Variants in MACROD2 observed in about 807,000 individuals in gnomAD.
MACROD2 encodes the protein mono-ADP ribosylhydrolase 2, also known as ADP-ribose glycohydrolase MACROD2.
Under a neutral mutation model 70.4 loss-of-function variants are expected in MACROD2, and 36 were observed. The observed-to-expected ratio is 0.51, with a 90% confidence interval of 0.39 to 0.68. MACROD2 has a LOEUF of 0.68. MACROD2 is among the 30% of genes least tolerant of loss of function. The pLI is 0.00. For missense variants in MACROD2, 496 were observed against 538.4 expected (o/e 0.92, Z 0.78); for synonymous variants, 172 against 178.8 (o/e 0.96, Z 0.30).
At chr20:15,855,238 TTC>T (rs368770786) in intron 8 of MACROD2, among the ~76,000 whole-genome samples, 159 of 152,326 alleles carry the variant, frequency 1.0e-3, no homozygotes, top group African/African-American at 3.6e-3. Flanking sequence ...TGTCACCCTC[TTC>T]AGGGCCAGTG....
At chr20:15,403,651 A>T (rs1258405231) in intron 6 of MACROD2, among the ~76,000 whole-genome samples, 2 of 152,204 alleles carry the variant, frequency 1.3e-5, no homozygotes, top group East Asian at 3.9e-4. Flanking sequence ...ATGCGGTCTA[A>T]GTGGAAGTTT....
In MACROD2 at chr20:14,276,160, A is replaced by G. The variant is rs529447464; in HGVS notation, c.271+190432A>G. 1.6e-4 allele frequency among the ~76,000 whole-genome samples: 24 copies of G among 152,200 alleles called. No individual in the cohort carries two copies. In the East Asian group the frequency reaches 3.7e-3, roughly 23 times the overall value. The stretch of plus-strand genomic sequence containing the variant: ...CCAAAGGACTGTAAATCATGCTGCT[A>G]TAAAGACACATGCACGCGTATGTTT... On this transcript the variant is annotated intron_variant, in intron 3 of 17. Transcript: ENST00000684519.
intron 8 of MACROD2, among the ~76,000 whole-genome samples, chr20:15,816,990 C>T (rs147032250): frequency 2.8e-3 from 424 of 152,170 alleles, no homozygotes; most frequent in African/African-American, 9.3e-3. Context: ...CAAAAAAAAA[C>T]GATGCTCGTT....
chr20:15,768,586 A>G (rs987354649), intron 8 of MACROD2, among the ~76,000 whole-genome samples: 3 of 152,148 alleles, frequency 2.0e-5, no homozygotes, highest in South Asian at 2.1e-4. Flanking sequence ...AACACTGTAC[A>G]CTTAGGCTAC....
intron 8 of MACROD2, among the ~76,000 whole-genome samples, chr20:15,699,527 T>C (rs1310550537): frequency 1.3e-5 from 2 of 152,142 alleles, no homozygotes; most frequent in African/African-American, 4.8e-5. Flanking sequence ...GGTGGTTTAA[T>C]GCTCTGTTTT....
intron 5 of MACROD2, among the ~76,000 whole-genome samples, chr20:14,740,534 T>C (rs767040608): frequency 2.0e-5 from 3 of 152,156 alleles, no homozygotes; most frequent in Admixed American, 6.6e-5. Context: ...AATTAAACTA[T>C]CTTGCATATG....
At chr20:16,002,145 A>G (rs1238514177) in intron 15 of MACROD2, among the ~76,000 whole-genome samples, 1 of 152,180 alleles carries the variant, frequency 6.6e-6, no homozygotes, top group African/African-American at 2.4e-5. Context: ...TCTCAAAGTT[A>G]TCTCTGACAA....
At chr20:15,827,846 G>C (rs2064014184) in intron 8 of MACROD2, among the ~76,000 whole-genome samples, 1 of 152,172 alleles carries the variant, frequency 6.6e-6, no homozygotes, top group Non-Finnish European at 1.5e-5. Context: ...CACAGCAATG[G>C]AGCAAGTTCA....
chr20:14,797,259 C>T, intron 5 of MACROD2, among the ~76,000 whole-genome samples: 1 of 152,002 alleles, frequency 6.6e-6, no homozygotes, highest in East Asian at 1.9e-4. Context: ...AGTCAGAATG[C>T]CGTTTTCAAA....
At chr20:14,141,233 T>C (rs1264626323) in intron 3 of MACROD2, among the ~76,000 whole-genome samples, 3 of 152,158 alleles carry the variant, frequency 2.0e-5, no homozygotes, top group Non-Finnish European at 4.4e-5. Flanking sequence ...CCTGTGGGGC[T>C]TTATCTAAGA....
intron 5 of MACROD2, among the ~76,000 whole-genome samples, chr20:14,978,482 A>G (rs1266808275): frequency 6.6e-6 from 1 of 151,846 alleles, no homozygotes; most frequent in Non-Finnish European, 1.5e-5. Flanking sequence ...TGGCCAGTGT[A>G]ATTAAACCTT....
At chr20:15,380,721 G>A (rs2045631522) in intron 6 of MACROD2, among the ~76,000 whole-genome samples, 1 of 152,012 alleles carries the variant, frequency 6.6e-6, no homozygotes, top group Admixed American at 6.6e-5. Flanking sequence ...CAAGAAATTA[G>A]CAAACAATAT....
At chr20:14,221,108 T>G (rs2081669874) in intron 3 of MACROD2, among the ~76,000 whole-genome samples, 1 of 152,228 alleles carries the variant, frequency 6.6e-6, no homozygotes, top group Non-Finnish European at 1.5e-5. Context: ...GCTGTCAACA[T>G]TATTGCTTTA....
rs10556594 is a variant in MACROD2, at chr20:15,904,880, C to CAAAAAAAA, written c.775+19086_775+19093dup. Among the ~76,000 whole-genome samples, 25 of 129,038 alleles carry CAAAAAAAA rather than the reference C, an allele frequency of 1.9e-4. No individual in the cohort carries two copies. The East Asian group carries it at 2.5e-3, about 13-fold the overall frequency. 84.7% of individuals were successfully genotyped at this position (129,038 alleles called of 152,430 possible). On this transcript the variant is annotated intron_variant, in intron 10 of 17. Coordinates refer to ENST00000684519, the MANE Select transcript of MACROD2 (RefSeq NM_001351661.2). ...TGCGCGAAAGAGAGAGACTCTGTCT[C>CAAAAAAAA]AAAAAAAAAAAAAAAAAAAAAAAAG...
At chr20:14,055,507 C>CA (rs4052606) in intron 2 of MACROD2, among the ~76,000 whole-genome samples, 8,149 of 103,134 alleles carry the variant, frequency 0.079, 294 homozygotes, top group Non-Finnish European at 0.095. Flanking sequence ...GTTTCAGGAG[C>CA]AAAAAAAAAA....
chr20:14,699,123 A>G (rs1327469316), intron 5 of MACROD2, among the ~76,000 whole-genome samples: 1 of 152,190 alleles, frequency 6.6e-6, no homozygotes, highest in Non-Finnish European at 1.5e-5. Flanking sequence ...CCTGAGAGCC[A>G]TGTTCTGACC....
chr20:14,379,654 TC>T (rs2122769680), intron 3 of MACROD2, among the ~76,000 whole-genome samples: 1 of 152,258 alleles, frequency 6.6e-6, no homozygotes, highest in East Asian at 1.9e-4. Flanking sequence ...TAATCTACTT[TC>T]TGTGTCTATA....
intron 5 of MACROD2, among the ~76,000 whole-genome samples, chr20:14,858,519 G>A (rs1011954649): frequency 1.3e-5 from 2 of 152,110 alleles, no homozygotes; most frequent in African/African-American, 2.4e-5. Flanking sequence ...AAAACAGATA[G>A]TCCTTATGAT....
chr20:15,431,771 TAG>T lies in MACROD2; in HGVS notation c.571+339_571+340del, dbSNP rs58391269. 3.9e-4 allele frequency among the ~76,000 whole-genome samples: 59 copies of T among 152,212 alleles called. 2 individuals carry two copies. The highest frequency in any genetic ancestry group is 1.2e-3 in the African/African-American group (50 of 41,570). On this transcript the variant is annotated intron_variant, in intron 7 of 17. Transcript: ENST00000684519. ...TTCTCAGTAGAAAGCATAATGTACA[TAG>T]AGTTTAGCAGTATCATTATTTTGTT...
Sources: allele counts gnomAD v4.1 joint callset (sites outside exome capture counted in the v4.1 genomes callset), GRCh38; gene constraint gnomAD v4.1.1; transcripts MANE v1.5; gene names NCBI Gene and HGNC (gene_info 2026-07-23, HGNC 2026-07-21).